CEP350: variants seen among roughly 807,000 people sequenced by gnomAD.
CEP350 encodes centrosome-associated protein 350.
Under a neutral mutation model 331.8 loss-of-function variants are expected in CEP350, and 126 were observed. That is an observed-to-expected ratio of 0.38 (90% CI 0.33 to 0.44). The LOEUF (loss-of-function observed/expected upper bound fraction) is 0.44, where lower values mean the gene tolerates loss of function less well. CEP350 is among the 20% of genes least tolerant of loss of function. The pLI is 1.00. For synonymous variants in CEP350, 1,200 were observed against 1,259.5 expected (o/e 0.95, Z 1.00); for missense variants, 3,406 against 3,634.6 (o/e 0.94, Z 1.62).
Position 180,080,558 on chromosome 1 carries a change from T to A in CEP350, c.6021T>A (p.Ser2007=), listed in dbSNP as rs1202732936. The change falls in exon 30 of 38, where the codon TCT becomes TCA. Residue 2007 remains serine, a synonymous_variant. Transcript: ENST00000367607. ...GCACATCTGTGTCAAAGCAGGAGTC[T>A]AGCAAAGGAAGTCATAGGACTGGAG... ...KSCTSVSKQE[S]SKGSHRTGGQ... 3 of 1,613,648 alleles carry A rather than the reference T, an allele frequency of 1.9e-6. No individual in the cohort carries two copies. The highest frequency in any genetic ancestry group is 2.5e-6 in the Non-Finnish European group (3 of 1,179,682).
At position 180,093,496 on chromosome 1, in the gene CEP350, T is replaced by G; in HGVS notation, c.7391T>G (p.Leu2464Arg). 6.2e-7 allele frequency: 1 copy of G among 1,611,866 alleles called. No homozygotes were observed. The highest frequency in any genetic ancestry group is 8.5e-7 in the Non-Finnish European group (1 of 1,178,688). Residue 2464 changes from leucine (L) to arginine (R), a missense_variant, in exon 34 of 38, where the codon CTG (leucine) becomes CGG (arginine). Physicochemically the swap from Leu to Arg is moderately radical, Grantham distance 102. Around this residue, in one of 5 missense-constraint regions of CEP350, gnomAD observed 1,415 missense variants for 1,512.3 expected, o/e 0.94. Transcript: ENST00000367607. ...TTGGAACTCAAGTCCCCTACTGAGCTGATGAAAAGTAAGGAGCGCAGTGAT... is the reference window on the plus strand; with the variant it reads ...TTGGAACTCAAGTCCCCTACTGAGCGGATGAAAAGTAAGGAGCGCAGTGAT... ...RLLELKSPTE[L>R]MKSKERSDVE...
At chr1:179,967,290 TTTG>T (rs1651089845) in intron 1 of CEP350, among the ~76,000 whole-genome samples, 1 of 152,216 alleles carries the variant, frequency 6.6e-6, no homozygotes, top group African/African-American at 2.4e-5. Context: ...ATTTATAGTT[TTTG>T]TTGTTGTTAG....
At position 179,996,949 on chromosome 1, in the gene CEP350, T is replaced by C. The variant is rs777538307; in HGVS notation, c.792T>C (p.Thr264=). Residue 264 remains threonine (T), a synonymous_variant, in exon 6 of 38, where the codon ACT becomes ACC. Coordinates refer to ENST00000367607, the MANE Select transcript of CEP350 (RefSeq NM_014810.5). ...LTDSSPSSTS[T]SNSQRLDILK... ...ACTCTTCTCCATCCTCTACTAGTAC[T>C]TCTAATTCCCAAAGATTAGATATTC... is the stretch of plus-strand genomic sequence containing the variant. The C allele has an allele frequency of 6.2e-7, 1 of 1,614,030 alleles. No individual in the cohort carries two copies. Among genetic ancestry groups the C allele is most frequent in the East Asian group, 2.2e-5 (1 of 44,888 alleles).
intron 15 of CEP350, among the ~76,000 whole-genome samples, chr1:180,032,303 A>G (rs1656077918): frequency 6.6e-6 from 1 of 152,140 alleles, no homozygotes; most frequent in Non-Finnish European, 1.5e-5. Context: ...TGTGACACAT[A>G]AAGATTACCA....
rs774240627 is a variant in CEP350 at position 180,003,297 on chromosome 1, G to C, written c.1132+10G>C. ...GCACTTCACTTTGCAGGTGAGAATA[G>C]AGCTTTCTTATGTTTTGAGTATTTT... On this transcript the variant is annotated intron_variant, in intron 7 of 37. Coordinates refer to ENST00000367607, the MANE Select transcript of CEP350 (RefSeq NM_014810.5). The C allele has an allele frequency of 4.7e-5, 72 of 1,532,902 alleles. No homozygotes were observed. The highest frequency in any genetic ancestry group is 9.1e-5 in the Admixed American group (5 of 54,828). The allele number at this position is 1,532,902 out of a possible 1,614,324, so 95.0% of individuals were successfully genotyped here.
rs183622537 is a variant in CEP350, at chr1:180,064,930, A to G, written c.5410-185A>G. Among the ~76,000 whole-genome samples the G allele has an allele frequency of 3.8e-3, 580 of 152,292 alleles. 4 individuals are homozygous for G. The highest frequency in any genetic ancestry group is 8.9e-3 in the South Asian group (43 of 4,820). ...TATATAAATGGTGGTAAAAATATACATAATATGAAATGTACTAGTTTAACC... is the reference window on the plus strand; with the variant it reads ...TATATAAATGGTGGTAAAAATATACGTAATATGAAATGTACTAGTTTAACC... On this transcript the variant is annotated intron_variant, in intron 26 of 37. Coordinates refer to ENST00000367607, the MANE Select transcript of CEP350 (RefSeq NM_014810.5).
intron 1 of CEP350, among the ~76,000 whole-genome samples, chr1:179,971,909 T>A (rs940573833): frequency 6.6e-6 from 1 of 152,188 alleles, no homozygotes; most frequent in Non-Finnish European, 1.5e-5. Context: ...TGAAAGAGTG[T>A]GAGAGACCCT....
intron 14 of CEP350, among the ~76,000 whole-genome samples, chr1:180,030,790 T>G (rs1034226073): frequency 1.3e-5 from 2 of 152,068 alleles, no homozygotes; most frequent in Non-Finnish European, 2.9e-5. Flanking sequence ...GTTACAGAGT[T>G]ACCCATTGAA....
chr1:179,970,787 C>T (rs1280403453), intron 1 of CEP350, among the ~76,000 whole-genome samples: 2 of 152,186 alleles, frequency 1.3e-5, no homozygotes, highest in African/African-American at 2.4e-5. Context: ...TTGGCTATTT[C>T]ACAATGTCAT....
intron 34 of CEP350, among the ~76,000 whole-genome samples, chr1:180,094,974 G>A (rs1024479258): frequency 1.3e-5 from 2 of 152,172 alleles, no homozygotes; most frequent in Non-Finnish European, 2.9e-5. Context: ...GTTCCATGGA[G>A]CTTTCCAGTG....
intron 25 of CEP350, among the ~76,000 whole-genome samples, chr1:180,058,674 G>A (rs770814532): frequency 6.6e-6 from 1 of 152,138 alleles, no homozygotes. Flanking sequence ...AATGCCAGTC[G>A]TAGGGATATG....
intron 17 of CEP350, among the ~76,000 whole-genome samples, chr1:180,038,918 C>G (rs938531472): frequency 3.3e-5 from 5 of 151,964 alleles, no homozygotes; most frequent in African/African-American, 1.2e-4. Context: ...CTTTAATTTT[C>G]TAAGAAATCT....
chr1:180,004,636 A>G (rs1037061743), intron 7 of CEP350, among the ~76,000 whole-genome samples: 28 of 152,132 alleles, frequency 1.8e-4, no homozygotes, highest in African/African-American at 6.3e-4. Context: ...GTTTGTCCCT[A>G]TTTATCAAGA....
intron 1 of CEP350, among the ~76,000 whole-genome samples, chr1:179,983,415 A>G (rs879562118): frequency 7.2e-5 from 11 of 151,894 alleles, no homozygotes; most frequent in Non-Finnish European, 1.5e-4. Flanking sequence ...TTGTATTTTT[A>G]GTAGAGACAG....
At chr1:180,073,575 AG>A (rs1023665705) in intron 27 of CEP350, among the ~76,000 whole-genome samples, 5 of 152,218 alleles carry the variant, frequency 3.3e-5, no homozygotes, top group African/African-American at 9.6e-5. Flanking sequence ...ATGAGAAGAA[AG>A]GCATGTTTAT....
At chr1:179,956,167 A>C (rs148606192) in intron 1 of CEP350, among the ~76,000 whole-genome samples, 1 of 152,200 alleles carries the variant, frequency 6.6e-6, no homozygotes, top group Non-Finnish European at 1.5e-5. Context: ...CCATGCTGGA[A>C]GTTGCTTCAA....
chr1:179,975,854 A>G (rs1391534753), intron 1 of CEP350, among the ~76,000 whole-genome samples: 1 of 152,208 alleles, frequency 6.6e-6, no homozygotes, highest in Non-Finnish European at 1.5e-5. Context: ...TAGGAAATAA[A>G]GCCATGAAAG....
chr1:180,080,595 C>T lies in CEP350; in HGVS notation c.6058C>T (p.Leu2020=). The T allele has an allele frequency of 6.2e-7, 1 of 1,613,854 alleles. No individual in the cohort carries two copies. The highest frequency in any genetic ancestry group is 8.5e-7 in the Non-Finnish European group (1 of 1,179,784). The change falls in exon 30 of 38, where the codon CTG becomes TTG. Residue 2020 remains leucine (L), a synonymous_variant. Coordinates refer to ENST00000367607, the MANE Select transcript of CEP350 (RefSeq NM_014810.5). ...TCATAGGACTGGAGGACAATGTCAC[C>T]TGCCTATCAAGTCCCATCAGCACTG... ...GSHRTGGQCH[L]PIKSHQHCYS...
chr1:179,960,444 A>G (rs1238006720), intron 1 of CEP350, among the ~76,000 whole-genome samples: 1 of 152,204 alleles, frequency 6.6e-6, no homozygotes, highest in Non-Finnish European at 1.5e-5. Flanking sequence ...GTGGAGCACC[A>G]TAGTAACTCA....
Sources: gnomAD v4.1 joint callset for allele counts (sites outside exome capture counted in the v4.1 genomes callset) on GRCh38, gnomAD v4.1.1 for gene constraint, gnomAD v4.1.1 regional missense constraint, MANE v1.5 for transcripts, NCBI Gene and HGNC (gene_info 2026-07-23, HGNC 2026-07-21) for gene names.